TNFRSF1B: variants seen among roughly 807,000 people sequenced by gnomAD.
TNFRSF1B encodes the protein TNF receptor superfamily member 1B, also known as tumor necrosis factor receptor superfamily member 1B.
Under a neutral mutation model 44.6 loss-of-function variants are expected in TNFRSF1B, and 19 were observed. The observed-to-expected ratio is 0.43, with a 90% CI of 0.30 to 0.62. TNFRSF1B has a LOEUF of 0.62. Among genes scored for constraint, TNFRSF1B ranks in the 20% least tolerant of loss-of-function variants. The pLI is 0.16. For synonymous variants in TNFRSF1B, 252 were observed against 261.1 expected, an observed-to-expected ratio of 0.97 and a Z score of 0.34; for missense variants, 541 against 619.9, an observed-to-expected ratio of 0.87 and a Z score of 1.35.
At chr1:12,179,915 G>C (rs893370467) in intron 1 of TNFRSF1B, among the ~76,000 whole-genome samples, 6 of 152,142 alleles carry the variant, frequency 3.9e-5, no homozygotes, top group African/African-American at 9.7e-5. Flanking sequence ...CACACAGTAG[G>C]TACTTTTCCT....
rs1211394956 is a variant in TNFRSF1B, at chr1:12,206,967, G to A, written c.1333G>A (p.Glu445Lys). The part of the protein sequence containing the change: ...ETPETLLGST[E>K]EKPLPLGVPD... ...GCCAGAGACCCTGCTGGGGAGCACCGAAGAGAAGCCCCTGCCCCTTGGAGT... is the reference window on the plus strand; with the variant it reads ...GCCAGAGACCCTGCTGGGGAGCACCAAAGAGAAGCCCCTGCCCCTTGGAGT... The change falls in exon 10 of 10, where the codon GAA becomes AAA. Residue 445 changes from glutamate (E) to lysine (K), a missense_variant. Physicochemically the swap from Glu to Lys is moderately conservative, Grantham distance 56. Transcript: ENST00000376259. The A allele has an allele frequency of 3.1e-6, 5 of 1,611,112 alleles. No individual in the cohort carries two copies. Among genetic ancestry groups the A allele is most frequent in the South Asian group, 1.1e-5 (1 of 90,940 alleles).
intron 4 of TNFRSF1B, 183 bp from the exon 5 acceptor site, chr1:12,192,248 C>CTG: frequency 4.2e-6 from 3 of 713,210 alleles, no homozygotes; most frequent in Non-Finnish European, 7.6e-6. Context: ...GTACAGGAAT[C>CTG]TGTGTGTGTG....
chr1:12,184,568 G>A (rs531500760), intron 1 of TNFRSF1B, among the ~76,000 whole-genome samples: 1 of 152,348 alleles, frequency 6.6e-6, no homozygotes, highest in East Asian at 1.9e-4. Context: ...ACCTGGAGGG[G>A]AGGAGGTGGG....
intron 1 of TNFRSF1B, among the ~76,000 whole-genome samples, 192 bp from the exon 2 acceptor site, chr1:12,188,604 G>C (rs1293533605): frequency 6.6e-6 from 1 of 152,164 alleles, no homozygotes; most frequent in Non-Finnish European, 1.5e-5. Context: ...GAGGTGGGGA[G>C]GCAGGGGAGG....
Position 12,188,946 on chromosome 1 carries a change from G to C in TNFRSF1B, c.178+51G>C, listed in dbSNP as rs1173852180. 2.6e-6 allele frequency: 4 copies of C among 1,547,380 alleles called. No homozygotes were observed. The South Asian group carries it at 4.5e-5, about 17-fold the overall frequency. On this transcript the variant is annotated intron_variant, in intron 2 of 9. Coordinates refer to ENST00000376259, the MANE Select transcript of TNFRSF1B (RefSeq NM_001066.3). ...GGGCCCATGCCCTGGAGGAGCGTGT[G>C]TGTACAGGGGCTGGGGCGCAAGAGC...
Position 12,187,655 on chromosome 1 carries a change from G to A in TNFRSF1B, c.79-1141G>A, listed in dbSNP as rs1487195827. Among the ~76,000 whole-genome samples the A allele has an allele frequency of 2.6e-5, 4 of 152,334 alleles. No homozygotes were observed. Among genetic ancestry groups the A allele is most frequent in the Admixed American group, 6.5e-5 (1 of 15,306 alleles). On this transcript the variant is annotated intron_variant, in intron 1 of 9. Coordinates refer to ENST00000376259, the MANE Select transcript of TNFRSF1B (RefSeq NM_001066.3). This position sits in a 1 kb window ranked among gnomAD's most constrained non-coding sequence, Gnocchi z 5.5. The stretch of plus-strand genomic sequence containing the variant: ...ATAAAATGGCTGCAGTAGGGAAACC[G>A]TCTCCATCTTCATTGGGTGGTTGGG...
At chr1:12,193,295 G>A in intron 6 of TNFRSF1B, 197 bp downstream of exon 6, 3 of 696,016 alleles carry the variant, frequency 4.3e-6, no homozygotes, top group Non-Finnish European at 5.2e-6. Flanking sequence ...TGCGTGGGCT[G>A]GATGCAGTGG....
rs1050525128 is a variant in TNFRSF1B at position 12,209,031 on chromosome 1, G to T, written c.*2011G>T. 6.6e-6 allele frequency: 1 copy of T among 152,234 alleles called. No homozygotes were observed. The highest frequency in any genetic ancestry group is 1.5e-5 in the Non-Finnish European group (1 of 68,064). The allele number at this position is 152,234 out of a possible 1,614,324, so 9.4% of individuals were successfully genotyped here. ...CATGAGGACATGATGGAGCGCACCT[G>T]CCCCCTGGTGGACAGTCCTGGGAGA... On this transcript the variant is annotated 3_prime_UTR_variant, in exon 10 of 10. Transcript: ENST00000376259.
At position 12,194,587 on chromosome 1, in the gene TNFRSF1B, A is replaced by T; in HGVS notation, c.869A>T (p.Lys290Met). 6.2e-7 allele frequency: 1 copy of T among 1,614,150 alleles called. No individual in the cohort carries two copies. Among genetic ancestry groups the T allele is most frequent in the Non-Finnish European group, 8.5e-7 (1 of 1,179,996 alleles). Residue 290 changes from lysine to methionine, a missense_variant, in exon 8 of 10, where the codon AAG becomes ATG. By Grantham distance (95) the Lys-to-Met change is moderately conservative. Transcript: ENST00000376259. ...NCVIMTQVKKKPLCLQREAKV... is the reference protein window; with the variant it reads ...NCVIMTQVKKMPLCLQREAKV... Reference sequence around the variant, plus strand: ...TTGTCCCCTCTCCTCTTTATAGAGAAGCCCTTGTGCCTGCAGAGAGAAGCC... The same window carrying T: ...TTGTCCCCTCTCCTCTTTATAGAGATGCCCTTGTGCCTGCAGAGAGAAGCC...
chr1:12,209,034 C>T lies in TNFRSF1B; in HGVS notation c.*2014C>T, dbSNP rs1227087616. On this transcript the variant is annotated 3_prime_UTR_variant, in exon 10 of 10. Transcript: ENST00000376259. Reference sequence around the variant, plus strand: ...GAGGACATGATGGAGCGCACCTGCCCCCTGGTGGACAGTCCTGGGAGAACC... The same window carrying T: ...GAGGACATGATGGAGCGCACCTGCCTCCTGGTGGACAGTCCTGGGAGAACC... 6 of 152,158 alleles carry T rather than the reference C, an allele frequency of 3.9e-5. No individual in the cohort carries two copies. Among genetic ancestry groups the T allele is most frequent in the African/African-American group, 1.4e-4 (6 of 41,424 alleles). The allele number at this position is 152,158 out of a possible 1,614,324, so 9.4% of individuals were successfully genotyped here. A position where few individuals can be genotyped will look rare whatever the true frequency, so the allele number is the denominator to read the frequency against.
chr1:12,207,146 C>A lies in TNFRSF1B; in HGVS notation c.*126C>A. The A allele has an allele frequency of 9.9e-7, 1 of 1,014,176 alleles. No homozygotes were observed. The highest frequency in any genetic ancestry group is 1.4e-6 in the Non-Finnish European group (1 of 732,766). 62.8% of individuals were successfully genotyped at this position (1,014,176 alleles called of 1,614,324 possible). On this transcript the variant is annotated 3_prime_UTR_variant, in exon 10 of 10. Transcript: ENST00000376259. ...TCTGAGGCTCTTTCTGGGCCAAGTT[C>A]CTCTAGTGCCCTCCACAGCCGCAGC... is the stretch of plus-strand genomic sequence containing the variant.
chr1:12,179,226 A>AC (rs1188321894), intron 1 of TNFRSF1B, among the ~76,000 whole-genome samples: 6 of 151,880 alleles, frequency 4.0e-5, no homozygotes, highest in African/African-American at 1.5e-4. Context: ...GGGATGTGTC[A>AC]CCCCCGGGTT....
At chr1:12,206,411 G>A (rs1183909279) in intron 9 of TNFRSF1B, among the ~76,000 whole-genome samples, 1 of 151,548 alleles carries the variant, frequency 6.6e-6, no homozygotes, top group Non-Finnish European at 1.5e-5. Flanking sequence ...ATGTTGCCCA[G>A]TCTGGTCTTG....
chr1:12,206,456 C>A (rs907807876), intron 9 of TNFRSF1B, among the ~76,000 whole-genome samples: 2 of 152,062 alleles, frequency 1.3e-5, no homozygotes, highest in African/African-American at 4.8e-5. Context: ...CAAACTTGGC[C>A]TCCCAAGTAG....
chr1:12,196,948 T>C (rs565204338), intron 8 of TNFRSF1B, among the ~76,000 whole-genome samples: 1 of 151,836 alleles, frequency 6.6e-6, no homozygotes, highest in East Asian at 1.9e-4. Context: ...CCATTTTTTT[T>C]TTCTTTCTTT....
chr1:12,182,128 G>A (rs533530250), intron 1 of TNFRSF1B, among the ~76,000 whole-genome samples: 1 of 152,326 alleles, frequency 6.6e-6, no homozygotes, highest in African/African-American at 2.4e-5. Flanking sequence ...ACACAGGACT[G>A]GAGGTGAGGA....
chr1:12,180,056 AGGGGGGACCCCCTGGGGAAGGCTG>A lies in TNFRSF1B; in HGVS notation c.79-8737_79-8714del, dbSNP rs1383683183. On this transcript the variant is annotated intron_variant, in intron 1 of 9. Coordinates refer to ENST00000376259, the MANE Select transcript of TNFRSF1B (RefSeq NM_001066.3). The surrounding 1 kb of genome is among the most constrained non-coding windows in gnomAD (Gnocchi z 4.3). ...GTTCTCAGCGGGTAGATCCCTGCCC[AGGGGGGACCCCCTGGGGAAGGCTG>A]GGAGCATGACCTCTTCCCAAGGGTA... Among the ~76,000 whole-genome samples, 9 of 151,648 alleles carry A rather than the reference AGGGGGGACCCCCTGGGGAAGGCTG, an allele frequency of 5.9e-5. No individual in the cohort carries two copies. Among genetic ancestry groups the A allele is most frequent in the African/African-American group, 1.7e-4 (7 of 41,286 alleles).
At position 12,206,839 on chromosome 1, in the gene TNFRSF1B, G is replaced by C. The variant is rs778723682; in HGVS notation, c.1205G>C (p.Ser402Thr). The C allele has an allele frequency of 3.7e-6, 6 of 1,614,118 alleles. No individual in the cohort carries two copies. The change falls in exon 10 of 10, where the codon AGC becomes ACC. Residue 402 changes from serine (S) to threonine (T), a missense_variant. Coordinates refer to ENST00000376259, the MANE Select transcript of TNFRSF1B (RefSeq NM_001066.3). ...AGCTCACAGTGCTCCTCCCAAGCCA[G>C]CTCCACAATGGGAGACACAGATTCC... ...DHSSQCSSQA[S>T]STMGDTDSSP... is the part of the protein sequence containing the mutation.
intron 1 of TNFRSF1B, among the ~76,000 whole-genome samples, chr1:12,174,055 CT>C (rs1297194369): frequency 1.1e-4 from 16 of 152,158 alleles, no homozygotes; most frequent in African/African-American, 3.6e-4. Context: ...GGCTCTGGCT[CT>C]GCCCTTGCAT....
Sources: allele counts gnomAD v4.1 joint callset (sites outside exome capture counted in the v4.1 genomes callset), GRCh38; gene constraint gnomAD v4.1.1; non-coding constraint Gnocchi (gnomAD v3.1); transcripts MANE v1.5; gene names NCBI Gene and HGNC (gene_info 2026-07-23, HGNC 2026-07-21).